Variants in DSCAM observed in about 807,000 individuals in gnomAD.
DSCAM encodes the protein DS cell adhesion molecule.
A neutral mutation model predicts 217.7 loss-of-function variants in DSCAM; 47 were observed. The ratio of observed to expected loss-of-function variants is 0.22; its 90% confidence interval spans 0.17 to 0.28. DSCAM has a LOEUF of 0.28. DSCAM is among the 10% of genes least tolerant of loss of function. The probability of loss-of-function intolerance (pLI) is 1.00; values close to 1 mark genes in which losing one functional copy is unlikely to be tolerated. For missense variants in DSCAM, 2,080 were observed against 2,618.3 expected, an observed-to-expected ratio of 0.79 and a Z score of 4.49; for synonymous variants, 1,056 against 1,015.3, an observed-to-expected ratio of 1.04 and a Z score of -0.76.
At chr21:40,136,998 C>A (rs1472403897) in intron 18 of DSCAM, among the ~76,000 whole-genome samples, 1 of 151,710 alleles carries the variant, frequency 6.6e-6, no homozygotes, top group African/African-American at 2.4e-5. Context: ...CACGGTGAAA[C>A]CCCATCTCTA....
rs541757920 is a variant in DSCAM at position 40,154,947 on chromosome 21, C to T, written c.3019-10216G>A. ...TATATGTGGGCTTTGCCTTGAGACACAAATGCAGAATGCTAGAAATAGATT... is the reference window on the plus strand; with the variant it reads ...TATATGTGGGCTTTGCCTTGAGACATAAATGCAGAATGCTAGAAATAGATT... On this transcript the variant is annotated intron_variant, in intron 16 of 32. Transcript: ENST00000400454. Among the ~76,000 whole-genome samples, 57 of 152,262 alleles carry T rather than the reference C, an allele frequency of 3.7e-4. No homozygotes were observed. The South Asian group carries it at 0.011, about 30-fold the overall frequency.
intron 16 of DSCAM, among the ~76,000 whole-genome samples, chr21:40,149,194 C>T (rs570164049): frequency 1.3e-5 from 2 of 151,312 alleles, no homozygotes; most frequent in East Asian, 3.9e-4. Flanking sequence ...CCAACATTGC[C>T]ATCACCACAA....
At chr21:40,048,058 T>C (rs148947969) in intron 30 of DSCAM, among the ~76,000 whole-genome samples, 577 of 152,270 alleles carry the variant, frequency 3.8e-3, no homozygotes, top group Non-Finnish European at 6.6e-3. Flanking sequence ...GGGCTGGAAG[T>C]TCATATTCAC....
At chr21:40,257,886 T>C (rs1371494333) in intron 11 of DSCAM, among the ~76,000 whole-genome samples, 5 of 152,190 alleles carry the variant, frequency 3.3e-5, no homozygotes, top group Non-Finnish European at 5.9e-5. Flanking sequence ...AGTTTATGGC[T>C]ACAGAAAGCC....
At chr21:40,765,866 C>T (rs973657587) in intron 1 of DSCAM, among the ~76,000 whole-genome samples, 30 of 152,150 alleles carry the variant, frequency 2.0e-4, no homozygotes, top group South Asian at 4.1e-4. Flanking sequence ...CTCCAGATCC[C>T]CTGAATTCTC....
chr21:40,410,623 C>A (rs1463786654), intron 3 of DSCAM, among the ~76,000 whole-genome samples: 4 of 150,488 alleles, frequency 2.7e-5, no homozygotes, highest in Middle Eastern at 3.4e-3. Flanking sequence ...AAAAAAATAT[C>A]TAAAGGGGCC....
chr21:40,657,820 G>A (rs750072761), intron 3 of DSCAM, among the ~76,000 whole-genome samples: 3 of 152,144 alleles, frequency 2.0e-5, no homozygotes, highest in Admixed American at 1.3e-4. Context: ...AGTACCTGAG[G>A]GTGGGGGAGG....
In DSCAM at chr21:40,156,153, A is replaced by AAC. The variant is rs1296958379; in HGVS notation, c.3018+11063_3018+11064dup. Among the ~76,000 whole-genome samples the AAC allele has an allele frequency of 9.9e-5, 15 of 152,056 alleles. No homozygotes were observed. The East Asian group carries it at 2.5e-3, about 25-fold the overall frequency. On this transcript the variant is annotated intron_variant, in intron 16 of 32. Transcript: ENST00000400454. ...GGAGGAGAGGGTAAGTATGGAGACA[A>AAC]ACTGAGTCCTGGAATCCACAGGGAT...
intron 8 of DSCAM, among the ~76,000 whole-genome samples, chr21:40,320,265 A>G (rs946058362): frequency 6.6e-6 from 1 of 152,152 alleles, no homozygotes; most frequent in East Asian, 1.9e-4. Flanking sequence ...ATCTTTCCTC[A>G]TATTATATTG....
intron 3 of DSCAM, among the ~76,000 whole-genome samples, chr21:40,449,174 T>C (rs2075699379): frequency 6.6e-6 from 1 of 152,186 alleles, no homozygotes. Context: ...AGGATGCATA[T>C]GATTAGTTTG....
At chr21:40,206,781 C>T (rs1202930095) in intron 11 of DSCAM, among the ~76,000 whole-genome samples, 1 of 151,802 alleles carries the variant, frequency 6.6e-6, no homozygotes, top group Non-Finnish European at 1.5e-5. Context: ...CATGGTAGCA[C>T]ATGACTGTAG....
intron 3 of DSCAM, among the ~76,000 whole-genome samples, chr21:40,435,508 AAATT>A (rs2075574816): frequency 2.0e-5 from 3 of 151,384 alleles, no homozygotes; most frequent in South Asian, 4.2e-4. Flanking sequence ...GAAAGTTTAA[AAATT>A]AATAAATAAT....
intron 3 of DSCAM, among the ~76,000 whole-genome samples, chr21:40,399,492 C>T (rs911598200): frequency 6.6e-6 from 1 of 152,156 alleles, no homozygotes; most frequent in Non-Finnish European, 1.5e-5. Flanking sequence ...TGTGTGCATG[C>T]TATCTGATTT....
chr21:40,781,160 C>T (rs1455311338), intron 1 of DSCAM, among the ~76,000 whole-genome samples: 1 of 151,970 alleles, frequency 6.6e-6, no homozygotes, highest in East Asian at 1.9e-4. Flanking sequence ...AGGAGCGTGC[C>T]ACCATGCCCG....
chr21:40,738,087 A>G (rs1027125242), intron 1 of DSCAM, among the ~76,000 whole-genome samples: 10 of 152,168 alleles, frequency 6.6e-5, no homozygotes, highest in South Asian at 6.2e-4. Flanking sequence ...CAGTCTTGGC[A>G]AAGAGAAGGG....
intron 27 of DSCAM, among the ~76,000 whole-genome samples, chr21:40,074,208 T>C (rs1482866976): frequency 6.6e-6 from 1 of 152,178 alleles, no homozygotes; most frequent in Non-Finnish European, 1.5e-5. Flanking sequence ...GAACATAACT[T>C]TGAAACACAC....
At chr21:40,381,860 CAG>C (rs2075029576) in intron 3 of DSCAM, among the ~76,000 whole-genome samples, 1 of 152,170 alleles carries the variant, frequency 6.6e-6, no homozygotes, top group Non-Finnish European at 1.5e-5. Flanking sequence ...TAGAATGTAT[CAG>C]TGTGTATCAA....
chr21:40,243,560 A>G (rs545984165), intron 11 of DSCAM, among the ~76,000 whole-genome samples: 2 of 152,326 alleles, frequency 1.3e-5, no homozygotes. Context: ...CAGTAAATAA[A>G]TAAAAGCATC....
Position 40,156,906 on chromosome 21 carries a change from C to T in DSCAM, c.3018+10312G>A, listed in dbSNP as rs561928359. Among the ~76,000 whole-genome samples the T allele has an allele frequency of 5.7e-4, 86 of 152,142 alleles. No homozygotes were observed. The South Asian group carries it at 0.011, about 19-fold the overall frequency. Reference sequence around the variant, plus strand: ...ATGATTTAGCATATATCATATATGGCGGGAGGGGCTAGCCTTGTCTCAGAT... The same window carrying T: ...ATGATTTAGCATATATCATATATGGTGGGAGGGGCTAGCCTTGTCTCAGAT... On this transcript the variant is annotated intron_variant, in intron 16 of 32. Transcript: ENST00000400454.
Sources: allele counts gnomAD v4.1 joint callset (sites outside exome capture counted in the v4.1 genomes callset), GRCh38; gene constraint gnomAD v4.1.1; transcripts MANE v1.5; gene names NCBI Gene and HGNC (gene_info 2026-07-23, HGNC 2026-07-21).